Variants in SEPTIN11 observed in about 807,000 individuals in gnomAD.
SEPTIN11 encodes the protein septin 11, also known as septin-11.
Under a neutral mutation model 51.4 loss-of-function variants are expected in SEPTIN11, and 25 were observed. The ratio of observed to expected loss-of-function variants is 0.49; its 90% CI spans 0.35 to 0.68. SEPTIN11 has a LOEUF of 0.68. SEPTIN11 is among the 30% of genes least tolerant of loss of function. SEPTIN11 has a pLI of 0.00. For synonymous variants in SEPTIN11, 174 were observed against 184.1 expected (o/e 0.95, Z 0.44); for missense variants, 381 against 520.8 (o/e 0.73, Z 2.61).
rs562556744 is a variant in SEPTIN11, at chr4:77,034,630, A to C, written c.*118A>C. 37 of 1,373,234 alleles carry C rather than the reference A, an allele frequency of 2.7e-5. No homozygotes were observed. In the South Asian group the frequency reaches 6.6e-4, roughly 25 times the overall value. The allele number at this position is 1,373,234 out of a possible 1,614,324, so 85.1% of individuals were successfully genotyped here. Reference sequence around the variant, plus strand: ...ATTTTATTTTTTTACCCTTCCTCAAACACCAGTAACTATTATTAACTCGTT... The same window carrying C: ...ATTTTATTTTTTTACCCTTCCTCAACCACCAGTAACTATTATTAACTCGTT... On this transcript the variant is annotated 3_prime_UTR_variant, in exon 10 of 10. Coordinates refer to ENST00000264893, the MANE Select transcript of SEPTIN11 (RefSeq NM_018243.4).
intron 1 of SEPTIN11, among the ~76,000 whole-genome samples, chr4:76,992,110 T>C (rs1206791812): frequency 1.3e-5 from 2 of 152,248 alleles, no homozygotes; most frequent in Admixed American, 1.3e-4. Context: ...TTAGTGGTTC[T>C]GTGTTGGCAC....
At chr4:76,958,065 C>T (rs983759749) in intron 1 of SEPTIN11, among the ~76,000 whole-genome samples, 5 of 152,120 alleles carry the variant, frequency 3.3e-5, no homozygotes, top group Non-Finnish European at 7.4e-5. Flanking sequence ...TGTCCTATAC[C>T]CCCCACCAAT....
intron 1 of SEPTIN11, 110 bp downstream of exon 1, chr4:76,950,040 G>GGCT (rs1721255802): frequency 8.5e-7 from 1 of 1,169,650 alleles, no homozygotes; most frequent in African/African-American, 1.6e-5. Context: ...GCCCCGCGGC[G>GGCT]GCGGCGACGG....
At chr4:76,991,268 T>A (rs1723361743) in intron 1 of SEPTIN11, among the ~76,000 whole-genome samples, 1 of 152,230 alleles carries the variant, frequency 6.6e-6, no homozygotes, top group Admixed American at 6.5e-5. Flanking sequence ...GAGATATGTA[T>A]GAGAGAGCCT....
At chr4:77,006,571 A>T (rs6827104) in intron 3 of SEPTIN11, among the ~76,000 whole-genome samples, 42 of 152,300 alleles carry the variant, frequency 2.8e-4, no homozygotes, top group African/African-American at 9.4e-4. Context: ...CCAGGTCCAA[A>T]GGTGATTGTA....
chr4:76,978,010 A>G (rs943358387), intron 1 of SEPTIN11, among the ~76,000 whole-genome samples: 1 of 152,178 alleles, frequency 6.6e-6, no homozygotes, highest in African/African-American at 2.4e-5. Flanking sequence ...ACTTCTATGT[A>G]AGCTTTGGTT....
chr4:76,973,594 C>A (rs1393724309), intron 1 of SEPTIN11, among the ~76,000 whole-genome samples: 1 of 152,218 alleles, frequency 6.6e-6, no homozygotes. Context: ...AATTTGTCTA[C>A]TACTTTTTGT....
chr4:76,964,357 A>G (rs1721947974), intron 1 of SEPTIN11, among the ~76,000 whole-genome samples: 1 of 125,118 alleles, frequency 8.0e-6, no homozygotes, highest in Non-Finnish European at 1.6e-5. Context: ...CCAATCTTGT[A>G]TTGTCTATTT....
At position 76,980,354 on chromosome 4, in the gene SEPTIN11, A is replaced by C. The variant is rs114732528; in HGVS notation, c.28-16071A>C. Among the ~76,000 whole-genome samples, 562 of 152,320 alleles carry C rather than the reference A, an allele frequency of 3.7e-3. 4 individuals are homozygous for C. The highest frequency in any genetic ancestry group is 0.013 in the African/African-American group (531 of 41,568). On this transcript the variant is annotated intron_variant, in intron 1 of 9. Coordinates refer to ENST00000264893, the MANE Select transcript of SEPTIN11 (RefSeq NM_018243.4). ...GTGATTGTTTCTTGGGTGTTCATGC[A>C]TGTGACTTGTGGCTGTCACACTGTC...
intron 2 of SEPTIN11, among the ~76,000 whole-genome samples, chr4:77,003,179 TG>T (rs1295912634): frequency 6.6e-6 from 1 of 152,180 alleles, no homozygotes; most frequent in Non-Finnish European, 1.5e-5. Context: ...AGAGAAAAAC[TG>T]TGATTAGATA....
chr4:77,006,398 C>T lies in SEPTIN11; in HGVS notation c.338+602C>T, dbSNP rs187173098. Among the ~76,000 whole-genome samples the T allele has an allele frequency of 1.9e-3, 285 of 152,208 alleles. 3 individuals carry two copies. The highest frequency in any genetic ancestry group is 0.011 in the South Asian group (52 of 4,820). On this transcript the variant is annotated intron_variant, in intron 3 of 9. Transcript: ENST00000264893. Reference sequence around the variant, plus strand: ...GGGAAGTTTTCAATTCTTAAAATTTCGTGGCATACAACCCATGTTAGTCTT... The same window carrying T: ...GGGAAGTTTTCAATTCTTAAAATTTTGTGGCATACAACCCATGTTAGTCTT...
intron 1 of SEPTIN11, among the ~76,000 whole-genome samples, chr4:76,954,983 AT>A (rs11324669): frequency 0.86 from 131,016 of 151,618 alleles, 56,827 homozygotes; most frequent in East Asian, 0.94. Context: ...TTATTTATTT[AT>A]TTTTTTTTGC....
intron 7 of SEPTIN11, 108 bp from the exon 8 acceptor site, chr4:77,028,521 C>G (rs916095380): frequency 8.1e-7 from 1 of 1,230,270 alleles, no homozygotes; most frequent in Non-Finnish European, 1.1e-6. Flanking sequence ...ATCTGGCAAG[C>G]AGCAGCTTTA....
In SEPTIN11 at chr4:77,028,678, C is replaced by T; in HGVS notation, c.1003C>T (p.Gln335Ter). 1 of 1,612,660 alleles carries T rather than the reference C, an allele frequency of 6.2e-7. No homozygotes were observed. Among genetic ancestry groups the T allele is most frequent in the Non-Finnish European group, 8.5e-7 (1 of 1,179,420 alleles). Residue 335 changes from glutamine to a stop codon, truncating the protein, a stop_gained, in exon 8 of 10, where the codon CAG becomes TAG. Coordinates refer to ENST00000264893, the MANE Select transcript of SEPTIN11 (RefSeq NM_018243.4). LOFTEE classifies it high-confidence loss of function. ...AKRNEFLGEL[Q>*]KKEEEMRQMF... is the part of the protein sequence containing the mutation. ...AAGGAATGAATTCCTGGGAGAACTGCAGAAGAAAGAAGAAGAAATGAGACA... is the reference window on the plus strand; with the variant it reads ...AAGGAATGAATTCCTGGGAGAACTGTAGAAGAAAGAAGAAGAAATGAGACA...
At chr4:76,977,204 T>G (rs1048885019) in intron 1 of SEPTIN11, among the ~76,000 whole-genome samples, 2 of 150,812 alleles carry the variant, frequency 1.3e-5, no homozygotes, top group Non-Finnish European at 2.9e-5. Context: ...TTTGTTACAC[T>G]TACAAAAATA....
At chr4:76,977,141 A>G (rs948137143) in intron 1 of SEPTIN11, among the ~76,000 whole-genome samples, 5 of 152,224 alleles carry the variant, frequency 3.3e-5, no homozygotes, top group Admixed American at 1.3e-4. Context: ...ATATGGCAGT[A>G]AATAATATGT....
chr4:76,968,043 G>A (rs1722099532), intron 1 of SEPTIN11, among the ~76,000 whole-genome samples: 3 of 152,144 alleles, frequency 2.0e-5, no homozygotes, highest in African/African-American at 4.8e-5. Flanking sequence ...TGGTAGCCAA[G>A]CAAATGTGGC....
rs1000272810 is a variant in SEPTIN11 at position 77,037,110 on chromosome 4, C to A, written c.*2598C>A. ...GGTGTGGTGGCTCATGCCTGTAATC[C>A]CAGCACTTTGAGAGGCCGAGGTGGG... is the stretch of plus-strand genomic sequence containing the variant. On this transcript the variant is annotated 3_prime_UTR_variant, in exon 10 of 10. Transcript: ENST00000264893. 9.7e-7 allele frequency: 1 copy of A among 1,034,556 alleles called. No homozygotes were observed. Among genetic ancestry groups the A allele is most frequent in the Non-Finnish European group, 1.2e-6 (1 of 859,274 alleles). The allele number at this position is 1,034,556 out of a possible 1,614,324, so 64.1% of individuals were successfully genotyped here. A position where few individuals can be genotyped will look rare whatever the true frequency, so the allele number is the denominator to read the frequency against.
At position 77,020,649 on chromosome 4, in the gene SEPTIN11, A is replaced by G. The variant is rs1254522164; in HGVS notation, c.932A>G (p.Asp311Gly). 2 of 1,614,070 alleles carry G rather than the reference A, an allele frequency of 1.2e-6. No individual in the cohort carries two copies. The highest frequency in any genetic ancestry group is 2.2e-5 in the South Asian group (2 of 91,082). ...GAAGAGATGGGGTTCAAGGACACTG[A>G]CCCTGACAGCAAACCCTTCAGGTAT... ...KLEEMGFKDT[D>G]PDSKPFSLQE... The change falls in exon 7 of 10, where the codon GAC becomes GGC. Residue 311 changes from aspartate (D) to glycine (G), a missense_variant. Physicochemically the swap from Asp to Gly is moderately conservative, Grantham distance 94. Transcript: ENST00000264893.
Sources: gnomAD v4.1 joint callset for allele counts (sites outside exome capture counted in the v4.1 genomes callset) on GRCh38, gnomAD v4.1.1 for gene constraint, MANE v1.5 for transcripts, NCBI Gene and HGNC (gene_info 2026-07-23, HGNC 2026-07-21) for gene names.